The following NRXN3 variants were observed in gnomAD, a reference collection of about 807,000 sequenced individuals.
The protein encoded by NRXN3 is neurexin III.
NRXN3 carries 32 observed loss-of-function variants against 137.6 expected under a neutral mutation model. The ratio of observed to expected loss-of-function variants is 0.23; its 90% CI spans 0.18 to 0.31. The LOEUF is 0.31. NRXN3 is among the 10% of genes least tolerant of loss of function. The probability of loss-of-function intolerance (pLI) is 1.00; values close to 1 mark genes in which losing one functional copy is unlikely to be tolerated. For synonymous variants in NRXN3, 798 were observed against 784.5 expected, an observed-to-expected ratio of 1.02 and a Z score of -0.29; for missense variants, 1,574 against 2,062.5, an observed-to-expected ratio of 0.76 and a Z score of 4.59.
chr14:79,384,655 A>G (rs1474440713), intron 15 of NRXN3, among the ~76,000 whole-genome samples: 3 of 152,064 alleles, frequency 2.0e-5, no homozygotes, highest in African/African-American at 7.2e-5. Context: ...CAGTTTTGAA[A>G]CTGTGAAGGT....
intron 19 of NRXN3, among the ~76,000 whole-genome samples, chr14:79,734,951 C>T (rs1568052132): frequency 1.3e-5 from 2 of 152,118 alleles, no homozygotes; most frequent in Non-Finnish European, 2.9e-5. Flanking sequence ...TCTTATTAAG[C>T]CTACTAGGTA....
intron 8 of NRXN3, among the ~76,000 whole-genome samples, chr14:78,748,910 A>G (rs1011964780): frequency 1.3e-5 from 2 of 152,216 alleles, no homozygotes; most frequent in Non-Finnish European, 2.9e-5. Flanking sequence ...ACTCTGCAGT[A>G]GAACCAAATC....
intron 4 of NRXN3, among the ~76,000 whole-genome samples, chr14:78,380,193 G>C (rs1325317543): frequency 2.0e-5 from 3 of 151,448 alleles, no homozygotes; most frequent in African/African-American, 4.9e-5. Context: ...TGATATCCAG[G>C]TTGTAATGAG....
At chr14:79,315,440 T>TA (rs1184567132) in intron 15 of NRXN3, among the ~76,000 whole-genome samples, 1 of 152,112 alleles carries the variant, frequency 6.6e-6, no homozygotes, top group African/African-American at 2.4e-5. Flanking sequence ...GAGAAACTAT[T>TA]AAAAAAGTTT....
intron 15 of NRXN3, among the ~76,000 whole-genome samples, chr14:79,451,672 T>G (rs1183222639): frequency 6.6e-6 from 1 of 152,222 alleles, no homozygotes; most frequent in African/African-American, 2.4e-5. Flanking sequence ...ACCTCTTCAC[T>G]TCTCATTATC....
chr14:79,715,370 G>GA (rs1259950207), intron 19 of NRXN3, among the ~76,000 whole-genome samples: 1 of 152,220 alleles, frequency 6.6e-6, no homozygotes, highest in African/African-American at 2.4e-5. Flanking sequence ...TGAGCAGAGA[G>GA]ACCCAGGTGG....
chr14:78,193,826 A>T (rs2060972714), intron 1 of NRXN3, among the ~76,000 whole-genome samples: 1 of 151,338 alleles, frequency 6.6e-6, no homozygotes, highest in African/African-American at 2.4e-5. Flanking sequence ...AGTTCAAGGC[A>T]TCTGGCAGCC....
intron 10 of NRXN3, among the ~76,000 whole-genome samples, chr14:78,825,148 G>A (rs2098962620): frequency 7.7e-6 from 1 of 130,206 alleles, no homozygotes; most frequent in Admixed American, 9.3e-5. Context: ...AGTGAGCCGA[G>A]ATTGCAACAC....
At chr14:79,608,346 A>T (rs1404889063) in intron 16 of NRXN3, among the ~76,000 whole-genome samples, 1 of 152,148 alleles carries the variant, frequency 6.6e-6, no homozygotes, top group African/African-American at 2.4e-5. Flanking sequence ...TTGGGATTAG[A>T]TTTGGATTGG....
chr14:79,284,470 T>G (rs899922017), intron 15 of NRXN3, among the ~76,000 whole-genome samples: 5 of 150,610 alleles, frequency 3.3e-5, no homozygotes, highest in Non-Finnish European at 7.4e-5. Context: ...AGGTTTTATA[T>G]GTACCTTAAA....
At chr14:79,853,444 T>G in intron 20 of NRXN3, 177 of 443,134 alleles carry the variant, frequency 4.0e-4, no homozygotes, top group Non-Finnish European at 5.6e-4. Flanking sequence ...TTAGGGTGTG[T>G]GAGATTGTCA....
At chr14:79,390,221 G>T (rs1283014196) in intron 15 of NRXN3, among the ~76,000 whole-genome samples, 8 of 151,416 alleles carry the variant, frequency 5.3e-5, no homozygotes, top group Admixed American at 4.0e-4. Context: ...GGAGGCTGAG[G>T]CAGGAGAATG....
intron 10 of NRXN3, among the ~76,000 whole-genome samples, chr14:78,824,951 C>T (rs2098961961): frequency 6.6e-6 from 1 of 151,690 alleles, no homozygotes; most frequent in African/African-American, 2.4e-5. Context: ...TACTATGTAC[C>T]CATAAAAATT....
intron 15 of NRXN3, among the ~76,000 whole-genome samples, chr14:79,361,746 C>T (rs1203829253): frequency 1.3e-5 from 2 of 151,942 alleles, no homozygotes; most frequent in Non-Finnish European, 2.9e-5. Context: ...AAATGTTTAA[C>T]ATAATAAAAT....
At chr14:79,718,380 C>T (rs902795036) in intron 19 of NRXN3, among the ~76,000 whole-genome samples, 4 of 152,080 alleles carry the variant, frequency 2.6e-5, no homozygotes, top group Non-Finnish European at 5.9e-5. Context: ...ACAGACAGGG[C>T]CTGTTTGGCT....
chr14:79,365,743 A>AAAAAAAAAAAC (rs2093865908), intron 15 of NRXN3, among the ~76,000 whole-genome samples: 1 of 142,294 alleles, frequency 7.0e-6, no homozygotes, highest in Non-Finnish European at 1.5e-5. Flanking sequence ...AAAAAAAAAA[A>AAAAAAAAAAAC]AGAAAAAAAA....
chr14:79,803,916 T>C (rs1306741707), intron 19 of NRXN3, among the ~76,000 whole-genome samples: 6 of 137,788 alleles, frequency 4.4e-5, no homozygotes, highest in Non-Finnish European at 7.7e-5. Flanking sequence ...TATATATGTA[T>C]ATATATATAT....
intron 8 of NRXN3, among the ~76,000 whole-genome samples, chr14:78,748,645 T>C (rs942741019): frequency 6.6e-6 from 1 of 152,094 alleles, no homozygotes; most frequent in Admixed American, 6.5e-5. Flanking sequence ...GTAACAGAGA[T>C]AGCGATAAGT....
chr14:79,296,741 G>C (rs1483588038), intron 15 of NRXN3, among the ~76,000 whole-genome samples: 1 of 152,170 alleles, frequency 6.6e-6, no homozygotes, highest in African/African-American at 2.4e-5. Flanking sequence ...AATCTTATAG[G>C]ATGGTGCTGT....
Sources: gnomAD v4.1 joint callset for allele counts (sites outside exome capture counted in the v4.1 genomes callset) on GRCh38, gnomAD v4.1.1 for gene constraint, MANE v1.5 for transcripts, NCBI Gene and HGNC (gene_info 2026-07-23, HGNC 2026-07-21) for gene names.